The following GLS2 variants were observed in gnomAD, a reference collection of about 807,000 sequenced individuals.
GLS2 encodes the protein glutaminase 2, also known as glutaminase liver isoform, mitochondrial.
GLS2 carries 52 observed loss-of-function variants against 79.0 expected under a neutral mutation model. The ratio of observed to expected loss-of-function variants is 0.66; its 90% CI spans 0.53 to 0.83. GLS2 has a LOEUF of 0.83. Ranked by LOEUF, GLS2 falls within the 40% of genes least tolerant of loss-of-function variation. The probability of loss-of-function intolerance (pLI) is 0.00; values close to 1 mark genes in which losing one functional copy is unlikely to be tolerated. For missense variants in GLS2, 561 were observed against 764.8 expected (o/e 0.73, Z 3.14); for synonymous variants, 238 against 280.8 (o/e 0.85, Z 1.52).
At chr12:56,473,064 T>G in intron 14 of GLS2, 164 bp downstream of exon 14, 1 of 667,084 alleles carries the variant, frequency 1.5e-6, no homozygotes, top group Non-Finnish European at 2.5e-6. Flanking sequence ...TAATTTTTTG[T>G]ATTTTCAATA....
At chr12:56,474,452 G>A (rs1340527494) in intron 12 of GLS2, 92 bp downstream of exon 12, 3 of 1,501,154 alleles carry the variant, frequency 2.0e-6, no homozygotes, top group African/African-American at 2.7e-5. Flanking sequence ...TGAGAGGCAG[G>A]AACAAGCTTC....
intron 12 of GLS2, chr12:56,474,095 T>TC (rs1307048408): frequency 9.7e-6 from 1 of 103,550 alleles, no homozygotes; most frequent in Non-Finnish European, 2.1e-5. Flanking sequence ...TCTTTTTCTT[T>TC]TTTTCTTTTT....
intron 1 of GLS2, among the ~76,000 whole-genome samples, chr12:56,484,570 G>C (rs1303756533): frequency 6.6e-6 from 1 of 152,136 alleles, no homozygotes; most frequent in Non-Finnish European, 1.5e-5. Context: ...TGCCTATAGG[G>C]GGGAGAGGAG....
At chr12:56,476,508 A>AT (rs1171599742) in intron 7 of GLS2, 1 of 153,954 alleles carries the variant, frequency 6.5e-6, no homozygotes, top group Non-Finnish European at 1.4e-5. Context: ...AATCTCAGCA[A>AT]TTTGGGGGGC....
At position 56,473,303 on chromosome 12, in the gene GLS2, G is replaced by A. The variant is rs751278424; in HGVS notation, c.1374C>T (p.Phe458=). The change falls in exon 14 of 18, where the codon TTC becomes TTT. Residue 458 remains phenylalanine, a synonymous_variant. Transcript: ENST00000311966. ...TSFCQKLVSL[F]NFHNYDNLRH... ...TCAGGTTGTCATAGTTGTGGAAATTGAAGAGAGACACCAACTTCTAGAATT... is the reference window on the plus strand; with the variant it reads ...TCAGGTTGTCATAGTTGTGGAAATTAAAGAGAGACACCAACTTCTAGAATT... 2.5e-6 allele frequency: 4 copies of A among 1,614,068 alleles called. No homozygotes were observed. Among genetic ancestry groups the A allele is most frequent in the Non-Finnish European group, 3.4e-6 (4 of 1,180,056 alleles).
intron 8 of GLS2, 90 bp downstream of exon 8, chr12:56,475,855 G>T: frequency 2.1e-6 from 3 of 1,455,346 alleles, no homozygotes; most frequent in Admixed American, 3.4e-5. Context: ...GGTGCACCTG[G>T]TAGTGGGGTT....
intron 1 of GLS2, among the ~76,000 whole-genome samples, chr12:56,480,832 C>T (rs1281840826): frequency 6.6e-6 from 1 of 152,222 alleles, no homozygotes; most frequent in African/African-American, 2.4e-5. Flanking sequence ...GAATCTGCCT[C>T]ATAATGTCTC....
At chr12:56,475,499 G>A in intron 9 of GLS2, 125 bp downstream of exon 9, 4 of 970,316 alleles carry the variant, frequency 4.1e-6, no homozygotes, top group Admixed American at 4.9e-5. Flanking sequence ...GGAAGCTGGA[G>A]GGCCAAAGTT....
At chr12:56,475,226 C>G (rs772263719) in intron 9 of GLS2, 116 bp from the exon 10 acceptor site, 1 of 1,597,478 alleles carries the variant, frequency 6.3e-7, no homozygotes. Context: ...TAAATGAACC[C>G]CTTTATAACT....
Position 56,473,854 on chromosome 12 carries a change from T to C in GLS2, c.1225-260A>G, listed in dbSNP as rs190183162. The C allele has an allele frequency of 8.6e-4, 339 of 393,604 alleles. 1 individual carries two copies. The East Asian group carries it at 0.011, about 13-fold the overall frequency. 24.4% of individuals were successfully genotyped at this position (393,604 alleles called of 1,614,324 possible). On this transcript the variant is annotated intron_variant, in intron 12 of 17. Coordinates refer to ENST00000311966, the MANE Select transcript of GLS2 (RefSeq NM_013267.4). ...GTGCTAGAACTAGGAACTTCCATTC[T>C]GGTGTTAGGAGATAGGTAATAAACA...
At chr12:56,483,440 GATTA>G (rs1870454894) in intron 1 of GLS2, among the ~76,000 whole-genome samples, 1 of 152,020 alleles carries the variant, frequency 6.6e-6, no homozygotes, top group African/African-American at 2.4e-5. Context: ...ATAGGGAACT[GATTA>G]ATTATGGTAT....
In GLS2 at chr12:56,477,732, AAC is replaced by A. The variant is rs1336043733; in HGVS notation, c.779-16_779-15del. ...TATGGGGGATTCCTGGGGAAATACA[AAC>A]CACCAAGAGTCTTAGCCACTGAACA... is the stretch of plus-strand genomic sequence containing the variant. On this transcript the variant is annotated splice_polypyrimidine_tract_variant and intron_variant, in intron 6 of 17. Transcript: ENST00000311966. 1 of 1,609,280 alleles carries A rather than the reference AAC, an allele frequency of 6.2e-7. No homozygotes were observed. Among genetic ancestry groups the A allele is most frequent in the Non-Finnish European group, 8.5e-7 (1 of 1,177,800 alleles).
chr12:56,475,785 T>C (rs1232601910), intron 8 of GLS2, 103 bp from the exon 9 acceptor site: 1 of 1,387,304 alleles, frequency 7.2e-7, no homozygotes, highest in Non-Finnish European at 1.0e-6. Context: ...GTCAAGAGGC[T>C]TTCCTCTCTG....
chr12:56,480,370 C>T lies in GLS2; in HGVS notation c.200G>A (p.Gly67Asp), dbSNP rs1170896252. Residue 67 changes from glycine to aspartate, a missense_variant, in exon 2 of 18, where the codon GGC becomes GAC. Around this residue, in one of 4 missense-constraint regions of GLS2, gnomAD observed 161 missense variants for 167.8 expected, o/e 0.96. Transcript: ENST00000311966. ...CAAATCACCCAGGCGGGACAGCATG[C>T]CACTTTCTGATGAATCACTGTTTGG... ...QHQDHDSSES[G>D]MLSRLGDLLF... The T allele has an allele frequency of 1.2e-6, 2 of 1,614,076 alleles. No homozygotes were observed. Among genetic ancestry groups the T allele is most frequent in the Admixed American group, 3.3e-5 (2 of 60,014 alleles).
At chr12:56,482,783 A>C (rs1870395067) in intron 1 of GLS2, among the ~76,000 whole-genome samples, 2 of 152,200 alleles carry the variant, frequency 1.3e-5, no homozygotes, top group Admixed American at 1.3e-4. Flanking sequence ...TTTAAGTAGA[A>C]AAGGGGTCTC....
chr12:56,472,629 T>G (rs1869393624), intron 15 of GLS2, 61 bp downstream of exon 15: 1 of 1,453,456 alleles, frequency 6.9e-7, no homozygotes, highest in South Asian at 1.1e-5. Flanking sequence ...TTACGCTGCC[T>G]CCTAGTAAAA....
rs547129521 is a variant in GLS2 at position 56,472,317 on chromosome 12, T to C, written c.1512-122A>G. The C allele has an allele frequency of 3.1e-3, 2,560 of 820,188 alleles. 9 individuals are homozygous for C. The highest frequency in any genetic ancestry group is 4.3e-3 in the Non-Finnish European group (2,103 of 492,118). 50.8% of individuals were successfully genotyped at this position (820,188 alleles called of 1,614,324 possible). A position where few individuals can be genotyped will look rare whatever the true frequency, so the allele number is the denominator to read the frequency against. On this transcript the variant is annotated intron_variant, in intron 15 of 17. Coordinates refer to ENST00000311966, the MANE Select transcript of GLS2 (RefSeq NM_013267.4). ...AAGTGAAACAGCCTATAGCCAGATT[T>C]GTTGGCTCTGAATAATCTTTTTTCC...
intron 16 of GLS2, 102 bp from the exon 17 acceptor site, chr12:56,471,938 G>C: frequency 7.4e-7 from 1 of 1,356,204 alleles, no homozygotes; most frequent in South Asian, 1.2e-5. Flanking sequence ...AGGGGAAAAG[G>C]CCTCTTCCCA....
chr12:56,478,528 G>A (rs1289633657), intron 4 of GLS2: 1 of 459,914 alleles, frequency 2.2e-6, no homozygotes, highest in Non-Finnish European at 4.0e-6. Flanking sequence ...TTCCCCTTTT[G>A]GTTCTTAGGC....
Sources: allele counts gnomAD v4.1 joint callset (sites outside exome capture counted in the v4.1 genomes callset), GRCh38; gene constraint gnomAD v4.1.1; regional missense constraint gnomAD v4.1.1; transcripts MANE v1.5; gene names NCBI Gene and HGNC (gene_info 2026-07-23, HGNC 2026-07-21).